Variants in CTNNA2 observed in about 807,000 individuals in gnomAD.
CTNNA2 encodes catenin alpha-2.
Under a neutral mutation model 101.0 loss-of-function variants are expected in CTNNA2, and 42 were observed. The ratio of observed to expected loss-of-function variants is 0.42; its 90% CI spans 0.32 to 0.54. The LOEUF (loss-of-function observed/expected upper bound fraction) is 0.54. Among genes scored for constraint, CTNNA2 ranks in the 20% least tolerant of loss-of-function variants. The probability of loss-of-function intolerance (pLI) is 0.14; values close to 1 mark genes in which losing one functional copy is unlikely to be tolerated. For missense variants in CTNNA2, 871 were observed against 1,223.1 expected, an observed-to-expected ratio of 0.71 and a Z score of 4.29; for synonymous variants, 450 against 456.4, an observed-to-expected ratio of 0.99 and a Z score of 0.18.
chr2:79,648,779 T>C (rs1681007849), intron 1 of CTNNA2, among the ~76,000 whole-genome samples: 1 of 152,178 alleles, frequency 6.6e-6, no homozygotes, highest in African/African-American at 2.4e-5. Context: ...GTAAACTAAA[T>C]GGTGAAAAGA....
intron 4 of CTNNA2, among the ~76,000 whole-genome samples, chr2:79,455,114 A>G (rs1319680267): frequency 6.6e-6 from 1 of 152,224 alleles, no homozygotes. Context: ...AGGGCAGAAG[A>G]CTAAGTGACT....
At chr2:80,360,216 T>C (rs777696567) in intron 7 of CTNNA2, among the ~76,000 whole-genome samples, 1 of 152,152 alleles carries the variant, frequency 6.6e-6, no homozygotes, top group African/African-American at 2.4e-5. Context: ...AGTTTATATA[T>C]GCTGAAAAGT....
intron 7 of CTNNA2, among the ~76,000 whole-genome samples, chr2:80,113,227 G>A (rs1024563226): frequency 6.6e-6 from 1 of 152,200 alleles, no homozygotes; most frequent in Non-Finnish European, 1.5e-5. Flanking sequence ...ATTTGATACT[G>A]TGAAACATTC....
chr2:79,689,701 G>A (rs964789377), intron 2 of CTNNA2, among the ~76,000 whole-genome samples: 8 of 151,890 alleles, frequency 5.3e-5, no homozygotes, highest in South Asian at 2.1e-4. Context: ...ATAATAGATC[G>A]ATGTAATTAT....
chr2:79,383,590 T>C (rs187753913), intron 4 of CTNNA2, among the ~76,000 whole-genome samples: 1 of 152,154 alleles, frequency 6.6e-6, no homozygotes, highest in African/African-American at 2.4e-5. Flanking sequence ...TCACATGGCA[T>C]AGTGCGTATG....
chr2:79,570,829 G>A (rs1675419111), intron 1 of CTNNA2, among the ~76,000 whole-genome samples: 1 of 152,090 alleles, frequency 6.6e-6, no homozygotes, highest in East Asian at 1.9e-4. Context: ...GTCATACAGA[G>A]TTACAAATAC....
chr2:79,500,009 C>T (rs935150945), intron 4 of CTNNA2, among the ~76,000 whole-genome samples: 1 of 152,178 alleles, frequency 6.6e-6, no homozygotes, highest in Non-Finnish European at 1.5e-5. Context: ...TTCAGGCTTT[C>T]AGCTGATTGG....
chr2:79,763,166 T>C lies in CTNNA2; in HGVS notation c.298+18584T>C, dbSNP rs547192925. On this transcript the variant is annotated intron_variant, in intron 3 of 18. Transcript: ENST00000402739. ...TTGTTAATGAAGTCTATATCGCTAA[T>C]ATTTTTATCTTTTTTAAATCTTCAA... 2.0e-5 allele frequency among the ~76,000 whole-genome samples: 3 copies of C among 152,254 alleles called. No homozygotes were observed. In the East Asian group the frequency reaches 5.8e-4, roughly 29 times the overall value.
At chr2:80,215,961 G>C (rs759904057) in intron 7 of CTNNA2, among the ~76,000 whole-genome samples, 1 of 152,140 alleles carries the variant, frequency 6.6e-6, no homozygotes, top group Non-Finnish European at 1.5e-5. Flanking sequence ...CTCAGCAATG[G>C]CAGACACCCC....
chr2:79,962,824 C>A (rs1380333267), intron 7 of CTNNA2, among the ~76,000 whole-genome samples: 1 of 152,130 alleles, frequency 6.6e-6, no homozygotes, highest in Non-Finnish European at 1.5e-5. Context: ...GTAATCCCAG[C>A]ACTTTGGGAG....
intron 1 of CTNNA2, among the ~76,000 whole-genome samples, chr2:79,190,183 A>G (rs888010926): frequency 6.6e-6 from 1 of 152,054 alleles, no homozygotes; most frequent in Admixed American, 6.6e-5. Flanking sequence ...GATGTTCCAA[A>G]TATGTCAATT....
intron 7 of CTNNA2, among the ~76,000 whole-genome samples, chr2:80,236,828 A>G (rs1256868154): frequency 6.6e-6 from 1 of 152,206 alleles, no homozygotes; most frequent in Non-Finnish European, 1.5e-5. Context: ...AGAATCCACA[A>G]TGGTGGTAGG....
chr2:79,480,038 G>A (rs1475639575), intron 4 of CTNNA2, among the ~76,000 whole-genome samples: 1 of 152,128 alleles, frequency 6.6e-6, no homozygotes, highest in Non-Finnish European at 1.5e-5. Flanking sequence ...CATCTAGAGT[G>A]GGCCTGAAGG....
Position 79,569,167 on chromosome 2 carries a change from T to C in CTNNA2, c.-6+55960T>C, listed in dbSNP as rs554634903. ...ATTTTACAGAAAACACTATTATTGC[T>C]TCTTTCACCAGCCAGAAGAGAAAGC... On this transcript the variant is annotated intron_variant, in intron 1 of 18. Coordinates refer to ENST00000402739, the MANE Select transcript of CTNNA2 (RefSeq NM_001282597.3). 2.8e-4 allele frequency among the ~76,000 whole-genome samples: 42 copies of C among 152,342 alleles called. 1 individual carries two copies. The highest frequency in any genetic ancestry group is 1.0e-3 in the African/African-American group (42 of 41,590).
At chr2:79,923,654 G>A (rs987001844) in intron 7 of CTNNA2, among the ~76,000 whole-genome samples, 1 of 152,038 alleles carries the variant, frequency 6.6e-6, no homozygotes, top group East Asian at 1.9e-4. Context: ...CTATTGTACT[G>A]TGTAACTATT....
chr2:80,094,915 G>A (rs1226273340), intron 7 of CTNNA2, among the ~76,000 whole-genome samples: 1 of 152,100 alleles, frequency 6.6e-6, no homozygotes, highest in Non-Finnish European at 1.5e-5. Flanking sequence ...TGAGACAATG[G>A]GGTTTTCTAG....
intron 1 of CTNNA2, among the ~76,000 whole-genome samples, chr2:79,527,880 A>G (rs998974215): frequency 6.6e-6 from 1 of 152,196 alleles, no homozygotes; most frequent in Admixed American, 6.6e-5. Context: ...CCATAGCAGC[A>G]TTATTTATGA....
At chr2:79,350,981 T>TTTTG (rs923157557) in intron 3 of CTNNA2, among the ~76,000 whole-genome samples, 1 of 152,184 alleles carries the variant, frequency 6.6e-6, no homozygotes, top group East Asian at 1.9e-4. Flanking sequence ...TTGTTAATGT[T>TTTTG]TTTGTTTGTT....
At position 79,242,993 on chromosome 2, in the gene CTNNA2, T is replaced by TATACAC. The variant is rs1306982182; in HGVS notation, c.-406+44918_-406+44919insTACACA. Among the ~76,000 whole-genome samples, 305 of 116,692 alleles carry TATACAC rather than the reference T, an allele frequency of 2.6e-3. 1 individual carries two copies. The highest frequency in any genetic ancestry group is 4.9e-3 in the African/African-American group (151 of 30,772). The allele number at this position is 116,692 out of a possible 152,430, so 76.6% of individuals were successfully genotyped here. A position where few individuals can be genotyped will look rare whatever the true frequency, so the allele number is the denominator to read the frequency against. On this transcript the variant is annotated intron_variant, in intron 2 of 21. Transcript: ENST00000466387. ...AAATATATATATATATATATATATA[T>TATACAC]ACACACACACACACACACACACACA...
Sources: allele counts gnomAD v4.1 joint callset (sites outside exome capture counted in the v4.1 genomes callset), GRCh38; gene constraint gnomAD v4.1.1; transcripts MANE v1.5; gene names NCBI Gene and HGNC (gene_info 2026-07-23, HGNC 2026-07-21).